NBN: variants seen among roughly 807,000 people sequenced by gnomAD.
The protein encoded by NBN is Nijmegen breakage syndrome 1 (nibrin).
In NBN, 88 loss-of-function variants were observed where a neutral mutation model predicts 90.8. The observed-to-expected ratio is 0.97, with a 90% CI of 0.82 to 1.16. The LOEUF is 1.16. Among genes scored for constraint, NBN ranks in the 50% most tolerant of loss-of-function variants. The pLI is 0.00. For missense variants in NBN, 894 were observed against 869.6 expected (o/e 1.03, Z -0.35); for synonymous variants, 328 against 295.1 (o/e 1.11, Z -1.14).
At chr8:89,976,347 A>G (rs2339025) in intron 5 of NBN, among the ~76,000 whole-genome samples, 47,224 of 152,100 alleles carry the variant, frequency 0.31, 7,556 homozygotes, top group East Asian at 0.45. Context: ...TGGAAGGCCA[A>G]AAGGTTTTAC....
chr8:89,954,112 G>C (rs1810586439), intron 10 of NBN, among the ~76,000 whole-genome samples: 1 of 152,146 alleles, frequency 6.6e-6, no homozygotes, highest in Non-Finnish European at 1.5e-5. Context: ...AAGACAGTAA[G>C]TCAGAGTGAC....
Position 89,935,230 on chromosome 8 carries a change from G to C in NBN, c.*352C>G, listed in dbSNP as rs13312978. 3.4e-4 allele frequency: 97 copies of C among 287,360 alleles called. No individual in the cohort carries two copies. The South Asian group carries it at 6.5e-3, about 19-fold the overall frequency. 17.8% of individuals were successfully genotyped at this position (287,360 alleles called of 1,614,324 possible). ...CCCTGGAAAGATTCATAAGAAATGA[G>C]TATCATGAATTTTTTTCTGAGGGGA... On this transcript the variant is annotated 3_prime_UTR_variant, in exon 16 of 16. Coordinates refer to ENST00000265433, the MANE Select transcript of NBN (RefSeq NM_002485.5).
At chr8:89,942,097 G>C (rs1025811066) in intron 14 of NBN, among the ~76,000 whole-genome samples, 1 of 152,098 alleles carries the variant, frequency 6.6e-6, no homozygotes, top group African/African-American at 2.4e-5. Flanking sequence ...GAAAACCCAA[G>C]ATGTTGACTT....
intron 11 of NBN, among the ~76,000 whole-genome samples, chr8:89,952,639 T>C (rs1286356454): frequency 6.6e-6 from 1 of 152,168 alleles, no homozygotes; most frequent in Non-Finnish European, 1.5e-5. Context: ...CATGAATGAG[T>C]GGAGCTAATG....
In NBN at chr8:89,955,359, T is replaced by A; in HGVS notation, c.1321A>T (p.Lys441Ter). 6.2e-7 allele frequency: 1 copy of A among 1,613,880 alleles called. No homozygotes were observed. Among genetic ancestry groups the A allele is most frequent in the Non-Finnish European group, 8.5e-7 (1 of 1,179,816 alleles). ...LSPTKLPSIN[K>*]SKDRASQQQQ... Reference sequence around the variant, plus strand: ...TGCTGAGAAGCCCTATCTTTACTTTTATTTATACTTGGCAATTTAGTTGGT... The same window carrying A: ...TGCTGAGAAGCCCTATCTTTACTTTAATTTATACTTGGCAATTTAGTTGGT... Residue 441 changes from lysine (K) to a stop codon, truncating the protein, a stop_gained, in exon 10 of 16, where the codon AAA (lysine) becomes TAA (stop). Coordinates refer to ENST00000265433, the MANE Select transcript of NBN (RefSeq NM_002485.5). LOFTEE classifies it high-confidence loss of function.
chr8:89,950,099 A>G (rs1810378929), intron 11 of NBN, among the ~76,000 whole-genome samples: 1 of 152,210 alleles, frequency 6.6e-6, no homozygotes, highest in Admixed American at 6.5e-5. Flanking sequence ...AACAGTTTTT[A>G]AAAGTAACCT....
chr8:89,966,955 A>G (rs994437353), intron 7 of NBN, among the ~76,000 whole-genome samples: 4 of 152,252 alleles, frequency 2.6e-5, no homozygotes, highest in African/African-American at 9.6e-5. Flanking sequence ...ATACTAGTAA[A>G]AAACATAGGT....
chr8:89,943,669 C>A (rs1232991715), intron 13 of NBN, among the ~76,000 whole-genome samples: 1 of 152,114 alleles, frequency 6.6e-6, no homozygotes, highest in African/African-American at 2.4e-5. Context: ...ACAATTAAAG[C>A]AACTCAAGAT....
chr8:89,973,811 G>C (rs1811623317), intron 5 of NBN, among the ~76,000 whole-genome samples: 1 of 152,136 alleles, frequency 6.6e-6, no homozygotes, highest in Non-Finnish European at 1.5e-5. Context: ...GAGGCATATT[G>C]ACTGAATATA....
intron 13 of NBN, among the ~76,000 whole-genome samples, chr8:89,945,627 T>C (rs575104631): frequency 2.6e-5 from 4 of 152,268 alleles, no homozygotes; most frequent in African/African-American, 7.2e-5. Flanking sequence ...GATAGAAGTC[T>C]TTTTTTAACC....
At chr8:89,948,602 C>T (rs1269502674) in intron 11 of NBN, among the ~76,000 whole-genome samples, 1 of 152,130 alleles carries the variant, frequency 6.6e-6, no homozygotes, top group African/African-American at 2.4e-5. Context: ...AAGTGGGGCA[C>T]ATAACATTTT....
intron 8 of NBN, among the ~76,000 whole-genome samples, chr8:89,959,493 C>A (rs13312901): frequency 1.7e-3 from 263 of 152,324 alleles, no homozygotes; most frequent in Non-Finnish European, 3.1e-3. Flanking sequence ...TGGTTCACGC[C>A]TGTTATCCCA....
chr8:89,969,448 G>T (rs1008920734), intron 7 of NBN, among the ~76,000 whole-genome samples: 1 of 152,030 alleles, frequency 6.6e-6, no homozygotes, highest in Non-Finnish European at 1.5e-5. Flanking sequence ...TTTTACCGTT[G>T]AGTTTTAAGT....
intron 15 of NBN, chr8:89,936,009 C>T: frequency 2.8e-6 from 1 of 352,852 alleles, no homozygotes; most frequent in Non-Finnish European, 5.4e-6. Context: ...ACAACATTTT[C>T]TCCTACAGCA....
intron 13 of NBN, among the ~76,000 whole-genome samples, chr8:89,945,178 T>C (rs895855749): frequency 2.6e-5 from 4 of 152,192 alleles, no homozygotes; most frequent in African/African-American, 9.7e-5. Flanking sequence ...TGAGATCTTA[T>C]AACACAATAT....
At chr8:89,958,607 C>G in intron 9 of NBN, 118 bp downstream of exon 9, 2 of 1,219,538 alleles carry the variant, frequency 1.6e-6, no homozygotes, top group Admixed American at 1.8e-5. Flanking sequence ...TCCCTGGTAT[C>G]CCATTCTTCC....
chr8:89,959,294 AAACTTCTG>A lies in NBN; in HGVS notation c.995-448_995-441del, dbSNP rs1254672646. On this transcript the variant is annotated intron_variant, in intron 8 of 15. Transcript: ENST00000265433. Reference sequence around the variant, plus strand: ...AATCATGTAAAACCATCTTAGACATAAACTTCTGGCTACTCCAGAAAACCATAATGATT... The same window carrying A: ...AATCATGTAAAACCATCTTAGACATAGCTACTCCAGAAAACCATAATGATT... 1.4e-4 allele frequency among the ~76,000 whole-genome samples: 22 copies of A among 152,328 alleles called. No homozygotes were observed. The South Asian group carries it at 4.1e-3, about 29-fold the overall frequency.
chr8:89,983,643 G>T (rs1227866067), intron 1 of NBN, among the ~76,000 whole-genome samples: 2 of 152,144 alleles, frequency 1.3e-5, no homozygotes, highest in African/African-American at 4.8e-5. Context: ...GTGGGAAAGG[G>T]TTATCAGTTT....
At chr8:89,962,997 C>T (rs560369560) in intron 8 of NBN, among the ~76,000 whole-genome samples, 1 of 152,092 alleles carries the variant, frequency 6.6e-6, no homozygotes, top group South Asian at 2.1e-4. Flanking sequence ...CCTCTCTGTC[C>T]GTCAGTTCCC....
Sources: gnomAD v4.1 joint callset for allele counts (sites outside exome capture counted in the v4.1 genomes callset) on GRCh38, gnomAD v4.1.1 for gene constraint, MANE v1.5 for transcripts, NCBI Gene and HGNC (gene_info 2026-07-23, HGNC 2026-07-21) for gene names.